Variants in ACTR3 observed in about 807,000 individuals in gnomAD.
The protein encoded by ACTR3 is actin related protein 3.
In ACTR3, 12 loss-of-function variants were observed where a neutral mutation model predicts 56.8. That is an observed-to-expected ratio of 0.21 (90% CI 0.14 to 0.34). The LOEUF (loss-of-function observed/expected upper bound fraction) is 0.34, where lower values mean the gene tolerates loss of function less well. Ranked by LOEUF, ACTR3 falls within the 10% of genes least tolerant of loss-of-function variation. The pLI is 1.00. For synonymous variants in ACTR3, 162 were observed against 167.4 expected, an observed-to-expected ratio of 0.97 and a Z score of 0.25; for missense variants, 282 against 512.5, an observed-to-expected ratio of 0.55 and a Z score of 4.34.
Position 113,890,336 on chromosome 2 carries a change from A to T in ACTR3, c.44+13A>T. 1 of 641,564 alleles carries T rather than the reference A, an allele frequency of 1.6e-6. No homozygotes were observed. The highest frequency in any genetic ancestry group is 2.2e-6 in the Non-Finnish European group (1 of 455,212). The allele number at this position is 641,564 out of a possible 1,614,324, so 39.7% of individuals were successfully genotyped here. A position where few individuals can be genotyped will look rare whatever the true frequency, so the allele number is the denominator to read the frequency against. On this transcript the variant is annotated intron_variant, in intron 1 of 11. Transcript: ENST00000263238. ...ACTGTGGCACGGGGTAAGGGGGCTT[A>T]CGGGCGGGGGTGGGGAAACTGAGGC... is the stretch of plus-strand genomic sequence containing the variant.
intron 8 of ACTR3, among the ~76,000 whole-genome samples, chr2:113,944,728 C>T (rs1378298219): frequency 6.6e-6 from 1 of 151,874 alleles, no homozygotes; most frequent in East Asian, 1.9e-4. Flanking sequence ...CGCCACTGCA[C>T]TCCAGCCTGG....
At chr2:113,949,526 T>C (rs1209226586) in intron 8 of ACTR3, among the ~76,000 whole-genome samples, 3 of 152,036 alleles carry the variant, frequency 2.0e-5, no homozygotes, top group Non-Finnish European at 2.9e-5. Flanking sequence ...TGAGGAGATA[T>C]ACAATACTTG....
At chr2:113,930,830 A>G (rs1266240294) in intron 4 of ACTR3, among the ~76,000 whole-genome samples, 1 of 152,220 alleles carries the variant, frequency 6.6e-6, no homozygotes, top group Non-Finnish European at 1.5e-5. Flanking sequence ...GTACCATTAG[A>G]TCTGTAGAAT....
At chr2:113,899,191 T>C (rs1454230748) in intron 1 of ACTR3, among the ~76,000 whole-genome samples, 1 of 152,168 alleles carries the variant, frequency 6.6e-6, no homozygotes, top group Admixed American at 6.5e-5. Flanking sequence ...GGACTGATAA[T>C]TGCTGATAAA....
At chr2:113,925,194 CT>C (rs771794090) in intron 3 of ACTR3, among the ~76,000 whole-genome samples, 14,088 of 104,996 alleles carry the variant, frequency 0.13, 1,017 homozygotes, top group East Asian at 0.34. Flanking sequence ...ATCGTGCCAC[CT>C]TTTTTTTTTT....
chr2:113,954,743 C>T (rs1323839202), intron 10 of ACTR3: 1 of 151,748 alleles, frequency 6.6e-6, no homozygotes, highest in Non-Finnish European at 1.5e-5. Context: ...GCCCTGGAAT[C>T]AGCCCTTTTT....
In ACTR3 at chr2:113,890,137, G is replaced by A; in HGVS notation, c.-143G>A. On this transcript the variant is annotated 5_prime_UTR_variant, in exon 1 of 12. Transcript: ENST00000263238. ...CCGAGCCTGCTGCTTTCTTGCTACT[G>A]CTTCGGCTTCCCGGCTACCCCCCGG... The A allele has an allele frequency of 1.9e-6, 2 of 1,063,326 alleles. No individual in the cohort carries two copies. The highest frequency in any genetic ancestry group is 2.7e-5 in the East Asian group (1 of 36,608). 65.9% of individuals were successfully genotyped at this position (1,063,326 alleles called of 1,614,324 possible).
intron 1 of ACTR3, among the ~76,000 whole-genome samples, chr2:113,908,994 G>A (rs1679254391): frequency 6.6e-6 from 1 of 152,038 alleles, no homozygotes; most frequent in Non-Finnish European, 1.5e-5. Context: ...TGAAAATATT[G>A]TTGTCTATGA....
chr2:113,927,499 A>G, intron 4 of ACTR3, 44 bp downstream of exon 4: 1 of 1,230,058 alleles, frequency 8.1e-7, no homozygotes, highest in Admixed American at 2.0e-5. Context: ...TTTTGAATAC[A>G]CTTAATGAGA....
In ACTR3 at chr2:113,934,224, GTTTTTTTGTTTTT is replaced by G. The variant is rs917099060; in HGVS notation, c.433-39_433-27del. On this transcript the variant is annotated intron_variant, in intron 5 of 11. Transcript: ENST00000263238. ...TTTTTTTTTTTTCGATTAACTCTTT[GTTTTTTTGTTTTT>G]TTTTTTTGTTTTTTTGCCTTTCTTC... The G allele has an allele frequency of 5.9e-5, 69 of 1,160,266 alleles. No individual in the cohort carries two copies. In the Middle Eastern group the frequency reaches 6.2e-4, roughly 10 times the overall value. The allele number at this position is 1,160,266 out of a possible 1,614,324, so 71.9% of individuals were successfully genotyped here. A position where few individuals can be genotyped will look rare whatever the true frequency, so the allele number is the denominator to read the frequency against.
chr2:113,943,275 T>C (rs79095191), intron 8 of ACTR3, among the ~76,000 whole-genome samples: 5,638 of 151,860 alleles, frequency 0.037, 196 homozygotes, highest in East Asian at 0.11. Context: ...GGTAGGGGAG[T>C]ATATGTATTT....
At chr2:113,902,690 C>T (rs527731918) in intron 1 of ACTR3, among the ~76,000 whole-genome samples, 1 of 152,132 alleles carries the variant, frequency 6.6e-6, no homozygotes, top group East Asian at 1.9e-4. Flanking sequence ...ACCTCTTTCT[C>T]CCGGGTTCAA....
At chr2:113,909,185 A>G (rs12989186) in intron 1 of ACTR3, among the ~76,000 whole-genome samples, 11,186 of 152,214 alleles carry the variant, frequency 0.073, 460 homozygotes, top group African/African-American at 0.1. Context: ...GTGATTAAAT[A>G]AATTATGGTA....
At chr2:113,942,591 G>C (rs966980877) in intron 8 of ACTR3, among the ~76,000 whole-genome samples, 2 of 151,922 alleles carry the variant, frequency 1.3e-5, no homozygotes, top group African/African-American at 4.8e-5. Context: ...TAAAAAATAT[G>C]TGTGGCTTAT....
chr2:113,940,820 A>AT (rs58868582), intron 7 of ACTR3, among the ~76,000 whole-genome samples: 9,237 of 121,944 alleles, frequency 0.076, 743 homozygotes, highest in East Asian at 0.26. Flanking sequence ...ATTTTTATTG[A>AT]TTTTTTTTTT....
At chr2:113,905,460 G>T (rs1008972036) in intron 1 of ACTR3, among the ~76,000 whole-genome samples, 2 of 144,106 alleles carry the variant, frequency 1.4e-5, no homozygotes, top group Admixed American at 1.4e-4. Flanking sequence ...ACAAGACTCC[G>T]TCTCAAAAAA....
intron 8 of ACTR3, 118 bp from the exon 9 acceptor site, chr2:113,951,361 A>G (rs1360501561): frequency 3.4e-6 from 2 of 586,450 alleles, no homozygotes; most frequent in Admixed American, 3.0e-5. Flanking sequence ...GTTAGAGACC[A>G]GTATTAGTGG....
Position 113,962,161 on chromosome 2 carries a change from C to T in ACTR3, c.*4706C>T. On this transcript the variant is annotated 3_prime_UTR_variant, in exon 12 of 12. Coordinates refer to ENST00000263238, the MANE Select transcript of ACTR3 (RefSeq NM_005721.5). ...CCGAATTACGACTTTTTTTCTGTTC[C>T]ACTAGTTTCTACCTTAGAAGTGACA... is the stretch of plus-strand genomic sequence containing the variant. 1 of 151,752 alleles carries T rather than the reference C, an allele frequency of 6.6e-6. No homozygotes were observed. The highest frequency in any genetic ancestry group is 1.5e-5 in the Non-Finnish European group (1 of 67,840). 9.4% of individuals were successfully genotyped at this position (151,752 alleles called of 1,614,324 possible).
At chr2:113,931,776 GATTGACTTATCTTTAGGTAT>G (rs1166616563) in intron 5 of ACTR3, among the ~76,000 whole-genome samples, 2 of 151,032 alleles carry the variant, frequency 1.3e-5, no homozygotes, top group Non-Finnish European at 3.0e-5. Context: ...AGTCTTTTTT[GATTGACTTATCTTTAGGTAT>G]ATTTGACACC....
Sources: gnomAD v4.1 joint callset for allele counts (sites outside exome capture counted in the v4.1 genomes callset) on GRCh38, gnomAD v4.1.1 for gene constraint, MANE v1.5 for transcripts, NCBI Gene and HGNC (gene_info 2026-07-23, HGNC 2026-07-21) for gene names.